Variants in MCM3 observed in about 807,000 individuals in gnomAD.
MCM3 encodes DNA replication licensing factor MCM3.
MCM3 carries 59 observed loss-of-function variants against 91.3 expected under a neutral mutation model. The observed-to-expected ratio is 0.65, with a 90% confidence interval of 0.52 to 0.80. MCM3 has a LOEUF of 0.80. Among genes scored for constraint, MCM3 ranks in the 30% least tolerant of loss-of-function variants. MCM3 has a pLI of 0.00. For missense variants in MCM3, 919 were observed against 1,035.4 expected (o/e 0.89, Z 1.54); for synonymous variants, 383 against 379.6 (o/e 1.01, Z -0.10).
chr6:52,266,555 G>A, intron 15 of MCM3, 56 bp downstream of exon 15: 1 of 1,503,124 alleles, frequency 6.7e-7, no homozygotes, highest in Admixed American at 1.7e-5. Context: ...AGAGCAACTG[G>A]AAAAGTCCAA....
At chr6:52,268,120 CA>C in intron 13 of MCM3, 152 bp from the exon 14 acceptor site, 2 of 1,019,002 alleles carry the variant, frequency 2.0e-6, no homozygotes, top group Non-Finnish European at 2.9e-6. Flanking sequence ...GTCCCAGGAC[CA>C]GGGGCAGAAG....
At chr6:52,277,002 G>C in intron 8 of MCM3, 65 bp downstream of exon 8, 1 of 1,555,490 alleles carries the variant, frequency 6.4e-7, no homozygotes, top group Non-Finnish European at 8.7e-7. Context: ...CACAAGCCAG[G>C]GCACACAAAG....
chr6:52,282,968 G>C, intron 2 of MCM3, 107 bp from the exon 3 acceptor site: 1 of 807,804 alleles, frequency 1.2e-6, no homozygotes, highest in Non-Finnish European at 2.0e-6. Flanking sequence ...AGAAAATCCA[G>C]CTTCTGCTTT....
chr6:52,279,226 A>G (rs1254168830), intron 5 of MCM3, 135 bp downstream of exon 5: 2 of 727,990 alleles, frequency 2.7e-6, no homozygotes, highest in African/African-American at 1.8e-5. Flanking sequence ...TATTGAAGGT[A>G]TCCTGTCTCC....
intron 14 of MCM3, among the ~76,000 whole-genome samples, chr6:52,267,331 C>T (rs182356726): frequency 5.3e-5 from 8 of 151,984 alleles, no homozygotes; most frequent in South Asian, 2.1e-4. Context: ...CTCCTGACCT[C>T]GTGATCCGCC....
chr6:52,277,469 C>T (rs1391943607), intron 7 of MCM3, 66 bp downstream of exon 7: 53 of 1,458,874 alleles, frequency 3.6e-5, no homozygotes, highest in Non-Finnish European at 4.9e-5. Flanking sequence ...TACAATCTTA[C>T]ATATTATAGG....
Position 52,284,589 on chromosome 6 carries a change from T to C in MCM3, c.78+8A>G, listed in dbSNP as rs1284035038. 6.2e-7 allele frequency: 1 copy of C among 1,602,602 alleles called. No homozygotes were observed. Among genetic ancestry groups the C allele is most frequent in the Non-Finnish European group, 8.5e-7 (1 of 1,176,856 alleles). ...GCGCTAGAGCCCGCGCGCCGGCGCC[T>C]CCCTCACCTCGTCGTCCAGGAAGTC... On this transcript the variant is annotated splice_region_variant and intron_variant, in intron 1 of 16. Transcript: ENST00000596288.
At chr6:52,282,632 G>T (rs748324202) in intron 3 of MCM3, 21 bp downstream of exon 3, 2 of 1,608,660 alleles carry the variant, frequency 1.2e-6, no homozygotes, top group South Asian at 2.2e-5. Flanking sequence ...TTTCCTAAGC[G>T]GCCCCCTTTA....
intron 3 of MCM3, 27 bp downstream of exon 3, chr6:52,282,626 C>G (rs1054583699): frequency 6.2e-7 from 1 of 1,605,396 alleles, no homozygotes. Flanking sequence ...TATTCATTTC[C>G]TAAGCGGCCC....
intron 12 of MCM3, among the ~76,000 whole-genome samples, chr6:52,270,140 A>T (rs1764985287): frequency 6.6e-6 from 1 of 152,092 alleles, no homozygotes; most frequent in Non-Finnish European, 1.5e-5. Context: ...CCTGACCAAC[A>T]TGGTGAAACC....
Position 52,283,341 on chromosome 6 carries a change from A to T in MCM3, c.144T>A (p.Ile48=), listed in dbSNP as rs1280639930. The part of the protein sequence containing the change: ...ELISDNQYRL[I]VNVNDLRRKN... ...TCCTGCGCAGGTCATTCACATTGAC[A>T]ATCAGCCGGTATTGGTTGTCACTGA... Residue 48 remains isoleucine, a synonymous_variant, in exon 2 of 17, where the codon ATT becomes ATA. Transcript: ENST00000596288. The T allele has an allele frequency of 3.1e-6, 5 of 1,614,076 alleles. No homozygotes were observed. The highest frequency in any genetic ancestry group is 3.3e-5 in the Admixed American group (2 of 60,014).
rs1764891369 is a variant in MCM3 at position 52,269,158 on chromosome 6, G to A, written c.1896C>T (p.Arg632=). The change falls in exon 13 of 17, where the codon CGC becomes CGT. Residue 632 remains arginine, a synonymous_variant. Transcript: ENST00000596288. ...CCTGCAGGTCCACAGTCTTGCTCAT[G>A]CGGGCCTTCGCATGGGCTGTGGCCA... ...IRLATAHAKA[R]MSKTVDLQDA... The A allele has an allele frequency of 6.2e-7, 1 of 1,614,060 alleles. No homozygotes were observed. Among genetic ancestry groups the A allele is most frequent in the Non-Finnish European group, 8.5e-7 (1 of 1,179,914 alleles).
chr6:52,271,637 T>C (rs1168947744), intron 12 of MCM3, among the ~76,000 whole-genome samples: 1 of 152,170 alleles, frequency 6.6e-6, no homozygotes, highest in East Asian at 1.9e-4. Context: ...AGTGAAACTC[T>C]GTCTCACCAA....
intron 1 of MCM3, among the ~76,000 whole-genome samples, 197 bp downstream of exon 1, chr6:52,284,400 T>C (rs960996011): frequency 1.3e-5 from 2 of 152,202 alleles, no homozygotes; most frequent in African/African-American, 4.8e-5. Flanking sequence ...GAAAGCTGGC[T>C]TCCTAAGAGT....
Position 52,279,088 on chromosome 6 carries a change from T to C in MCM3, c.771-238A>G, listed in dbSNP as rs186068077. On this transcript the variant is annotated intron_variant, in intron 5 of 16. Coordinates refer to ENST00000596288, the MANE Select transcript of MCM3 (RefSeq NM_002388.6). ...ACAGAACTTCAGACAGAACTGTGTA[T>C]GGGGACGAAGTGTAATTAAATGAGA... is the stretch of plus-strand genomic sequence containing the variant. Among the ~76,000 whole-genome samples, 738 of 152,290 alleles carry C rather than the reference T, an allele frequency of 4.8e-3. 3 individuals are homozygous for C. The highest frequency in any genetic ancestry group is 7.1e-3 in the Non-Finnish European group (483 of 68,024).
intron 12 of MCM3, among the ~76,000 whole-genome samples, chr6:52,270,345 AG>A (rs1447966881): frequency 2.8e-5 from 4 of 140,962 alleles, no homozygotes; most frequent in Non-Finnish European, 3.1e-5. Flanking sequence ...AAAAAAAAAA[AG>A]AAAAAAAAAG....
At position 52,282,226 on chromosome 6, in the gene MCM3, C is replaced by T. The variant is rs529097661; in HGVS notation, c.401-51G>A. 140 of 1,568,536 alleles carry T rather than the reference C, an allele frequency of 8.9e-5. 1 individual carries two copies. In the East Asian group the frequency reaches 3.1e-3, roughly 34 times the overall value. On this transcript the variant is annotated intron_variant, in intron 3 of 16. Transcript: ENST00000596288. ...AAACTCACCCAACTAGACGATGATA[C>T]AGGTGGAACCCAAACATATGCAAGC...
At chr6:52,281,122 T>C (rs543597682) in intron 4 of MCM3, among the ~76,000 whole-genome samples, 2 of 152,320 alleles carry the variant, frequency 1.3e-5, no homozygotes, top group Non-Finnish European at 1.5e-5. Flanking sequence ...AAATGATCTT[T>C]TGTCTCCAGA....
At chr6:52,267,112 T>TTTTTTTTTGG (rs1764702183) in intron 14 of MCM3, among the ~76,000 whole-genome samples, 1 of 148,960 alleles carries the variant, frequency 6.7e-6, no homozygotes, top group Non-Finnish European at 1.5e-5. Flanking sequence ...TTTTTTTTTT[T>TTTTTTTTTGG]GAGACGGACG....
Sources: gnomAD v4.1 joint callset for allele counts (sites outside exome capture counted in the v4.1 genomes callset) on GRCh38, gnomAD v4.1.1 for gene constraint, MANE v1.5 for transcripts, NCBI Gene and HGNC (gene_info 2026-07-23, HGNC 2026-07-21) for gene names.